Variants in DNAH8 observed in about 807,000 individuals in gnomAD.
The protein encoded by DNAH8 is axonemal beta dynein heavy chain 8.
Under a neutral mutation model 562.1 loss-of-function variants are expected in DNAH8, and 382 were observed. The observed-to-expected ratio is 0.68, with a 90% CI of 0.63 to 0.74. The LOEUF (loss-of-function observed/expected upper bound fraction) is 0.74. Ranked by LOEUF, DNAH8 falls within the 30% of genes least tolerant of loss-of-function variation. The pLI, the probability that DNAH8 is intolerant of heterozygous loss-of-function variation, is 0.00. For synonymous variants in DNAH8, 1,881 were observed against 1,919.4 expected, an observed-to-expected ratio of 0.98 and a Z score of 0.52; for missense variants, 5,203 against 5,620.4, an observed-to-expected ratio of 0.93 and a Z score of 2.37.
chr6:38,761,529 C>G (rs1034299371), intron 10 of DNAH8, among the ~76,000 whole-genome samples, 173 bp from the exon 11 acceptor site: 1 of 151,722 alleles, frequency 6.6e-6, no homozygotes, highest in Admixed American at 6.6e-5. Context: ...CTTCTGGGCT[C>G]AAGTTACCCT....
intron 29 of DNAH8, among the ~76,000 whole-genome samples, chr6:38,827,855 C>T (rs1301752836): frequency 7.2e-6 from 1 of 139,460 alleles, no homozygotes; most frequent in Non-Finnish European, 1.5e-5. Flanking sequence ...TCATTTCATT[C>T]TGTTCCTTGT....
intron 28 of DNAH8, among the ~76,000 whole-genome samples, chr6:38,823,909 A>G (rs528918014): frequency 3.5e-4 from 53 of 152,214 alleles, no homozygotes; most frequent in Middle Eastern, 3.4e-3. Flanking sequence ...TTTTGCACCA[A>G]CCTAATATAA....
At position 38,917,953 on chromosome 6, in the gene DNAH8, G is replaced by A. The variant is rs763045480; in HGVS notation, c.10337G>A (p.Ser3446Asn). 6.2e-7 allele frequency: 1 copy of A among 1,613,358 alleles called. No homozygotes were observed. The highest frequency in any genetic ancestry group is 1.1e-5 in the South Asian group (1 of 91,004). The change falls in exon 70 of 93, where the codon AGC (serine) becomes AAC (asparagine). Residue 3446 changes from serine (S) to asparagine (N), a missense_variant. By Grantham distance (46) the Ser-to-Asn change is conservative. Around this residue, in one of 6 missense-constraint regions of DNAH8, gnomAD observed 1,399 missense variants for 1,518.4 expected, o/e 0.92. Transcript: ENST00000327475. ...ATGAGTGCAACAGGATTCCTGTGGA[G>A]CCTTCAGCAGTTCCCTAAGGACACT... ...KLMSATGFLW[S>N]LQQFPKDTIN...
intron 82 of DNAH8, among the ~76,000 whole-genome samples, chr6:38,970,999 G>A (rs955815645): frequency 6.6e-6 from 1 of 152,122 alleles, no homozygotes; most frequent in African/African-American, 2.4e-5. Flanking sequence ...TTTAATCTGA[G>A]GAGCAGCTGA....
intron 5 of DNAH8, among the ~76,000 whole-genome samples, chr6:38,735,291 C>A (rs1467632414): frequency 6.6e-6 from 1 of 152,136 alleles, no homozygotes; most frequent in Non-Finnish European, 1.5e-5. Context: ...AGTCTTAATA[C>A]CTTTTACAAT....
At position 38,815,591 on chromosome 6, in the gene DNAH8, A is replaced by G. The variant is rs2150320894; in HGVS notation, c.3457A>G (p.Ile1153Val). Reference protein sequence around the residue: ...QQQIRPIKSVIPSPTTTDVTH... With the variant: ...QQQIRPIKSVVPSPTTTDVTH... ...GCAAATCCGTCCCATCAAGTCTGTCATTCCCAGCCCCACCACTACTGACGT... is the reference window on the plus strand; with the variant it reads ...GCAAATCCGTCCCATCAAGTCTGTCGTTCCCAGCCCCACCACTACTGACGT... The change falls in exon 26 of 93, where the codon ATT becomes GTT. Residue 1153 changes from isoleucine (I) to valine (V), a missense_variant. Ile to Val is a conservative substitution (Grantham distance 29). This residue lies in a region of DNAH8 where 2,176 missense variants were observed against 2,365.1 expected (regional missense o/e 0.92). Coordinates refer to ENST00000327475, the MANE Select transcript of DNAH8 (RefSeq NM_001206927.2). 6.2e-7 allele frequency: 1 copy of G among 1,614,058 alleles called. No homozygotes were observed. The highest frequency in any genetic ancestry group is 2.2e-5 in the East Asian group (1 of 44,852).
chr6:38,770,764 G>C (rs918183745), intron 12 of DNAH8, among the ~76,000 whole-genome samples: 1 of 151,982 alleles, frequency 6.6e-6, no homozygotes, highest in African/African-American at 2.4e-5. Flanking sequence ...TAACACAAAC[G>C]CTATGGTCAA....
chr6:38,987,780 G>A (rs1439796967), intron 87 of DNAH8, among the ~76,000 whole-genome samples: 1 of 152,054 alleles, frequency 6.6e-6, no homozygotes, highest in Non-Finnish European at 1.5e-5. Flanking sequence ...CCAACCTCCT[G>A]TCTTGTTGCT....
intron 92 of DNAH8, among the ~76,000 whole-genome samples, chr6:39,026,933 C>T (rs892474357): frequency 4.6e-5 from 7 of 152,138 alleles, no homozygotes; most frequent in African/African-American, 1.4e-4. Context: ...GCTAAAAAGG[C>T]TTTTTGGCCA....
chr6:38,808,830 T>A (rs753986599), intron 24 of DNAH8, among the ~76,000 whole-genome samples: 1 of 152,084 alleles, frequency 6.6e-6, no homozygotes, highest in Non-Finnish European at 1.5e-5. Context: ...CTCAGCAAAC[T>A]AACACAAGAG....
intron 80 of DNAH8, among the ~76,000 whole-genome samples, chr6:38,946,534 G>A (rs1463441933): frequency 6.6e-6 from 1 of 152,200 alleles, no homozygotes; most frequent in Non-Finnish European, 1.5e-5. Context: ...TCTTGGGCTG[G>A]GCCCGATGGT....
At chr6:38,957,475 A>T (rs6903197) in intron 82 of DNAH8, among the ~76,000 whole-genome samples, 59,846 of 151,586 alleles carry the variant, frequency 0.39, 13,482 homozygotes, top group East Asian at 0.68. Flanking sequence ...TCTAAATCAA[A>T]TGGACCTAAC....
Position 38,866,841 on chromosome 6 carries a change from C to A in DNAH8, c.6658C>A (p.Leu2220Ile), listed in dbSNP as rs534264075. ...NVILAQKFYV[L>I]YKLCEEQLTK... ...TATCTTGGCTCAAAAATTTTACGTT[C>A]TTTACAAACTCTGTGAAGAGCAACT... The change falls in exon 47 of 93, where the codon CTT becomes ATT. Residue 2220 changes from leucine (L) to isoleucine (I), a missense_variant. Leu to Ile is a conservative substitution (Grantham distance 5). Transcript: ENST00000327475. 1.2e-6 allele frequency: 2 copies of A among 1,612,520 alleles called. No homozygotes were observed. Among genetic ancestry groups the A allele is most frequent in the South Asian group, 2.2e-5 (2 of 90,982 alleles).
chr6:38,888,232 C>G (rs1248038601), intron 57 of DNAH8, among the ~76,000 whole-genome samples: 5 of 152,076 alleles, frequency 3.3e-5, no homozygotes, highest in Non-Finnish European at 7.4e-5. Flanking sequence ...ATGCCAATGA[C>G]ATGATCAACT....
intron 91 of DNAH8, among the ~76,000 whole-genome samples, chr6:39,017,512 C>G (rs184260225): frequency 2.0e-5 from 3 of 152,286 alleles, no homozygotes; most frequent in African/African-American, 7.2e-5. Flanking sequence ...GAGGCAGAGG[C>G]TGAGTGTGTT....
At chr6:38,949,185 G>T (rs1012809656) in intron 80 of DNAH8, among the ~76,000 whole-genome samples, 1 of 152,128 alleles carries the variant, frequency 6.6e-6, no homozygotes, top group African/African-American at 2.4e-5. Flanking sequence ...CTTGATTTGT[G>T]TTTCTTCTGG....
At chr6:38,798,855 C>G (rs925624304) in intron 21 of DNAH8, among the ~76,000 whole-genome samples, 1 of 152,178 alleles carries the variant, frequency 6.6e-6, no homozygotes, top group Non-Finnish European at 1.5e-5. Flanking sequence ...GAAGTCATCA[C>G]CACCACTAGG....
chr6:38,879,219 G>A (rs948120756), intron 53 of DNAH8, among the ~76,000 whole-genome samples: 1 of 151,786 alleles, frequency 6.6e-6, no homozygotes, highest in Non-Finnish European at 1.5e-5. Flanking sequence ...TGTACAATAG[G>A]AAGAAACACT....
chr6:39,010,502 C>G (rs1478364111), intron 89 of DNAH8, among the ~76,000 whole-genome samples: 2 of 151,972 alleles, frequency 1.3e-5, no homozygotes, highest in African/African-American at 4.8e-5. Flanking sequence ...ATTACATTTT[C>G]TAGGGTTTAA....
Sources: gnomAD v4.1 joint callset for allele counts (sites outside exome capture counted in the v4.1 genomes callset) on GRCh38, gnomAD v4.1.1 for gene constraint, gnomAD v4.1.1 regional missense constraint, MANE v1.5 for transcripts, NCBI Gene and HGNC (gene_info 2026-07-23, HGNC 2026-07-21) for gene names.